The following MGAT4C variants were observed in gnomAD, a reference collection of about 807,000 sequenced individuals.
MGAT4C encodes alpha-1,3-mannosyl-glycoprotein 4-beta-N-acetylglucosaminyltransferase C.
MGAT4C carries 19 observed loss-of-function variants against 40.1 expected under a neutral mutation model. That is an observed-to-expected ratio of 0.47 (90% CI 0.33 to 0.70). MGAT4C has a LOEUF of 0.70. Among genes scored for constraint, MGAT4C ranks in the 30% least tolerant of loss-of-function variants. The probability of loss-of-function intolerance (pLI) is 0.02; values close to 1 mark genes in which losing one functional copy is unlikely to be tolerated. For synonymous variants in MGAT4C, 181 were observed against 187.1 expected (o/e 0.97, Z 0.27); for missense variants, 491 against 563.2 (o/e 0.87, Z 1.30).
intron 2 of MGAT4C, among the ~76,000 whole-genome samples, chr12:86,689,265 G>T (rs1950130868): frequency 6.6e-6 from 1 of 152,018 alleles, no homozygotes; most frequent in Non-Finnish European, 1.5e-5. Context: ...AAGGTTCTTA[G>T]CTTCCTTGCC....
Position 85,975,873 on chromosome 12 carries a change from G to A in MGAT4C, c.*3416C>T, listed in dbSNP as rs1228959310. On this transcript the variant is annotated 3_prime_UTR_variant, in exon 5 of 5. Coordinates refer to ENST00000611864, the MANE Select transcript of MGAT4C (RefSeq NM_001351288.2). ...TGATGCCATTACTGTGTTGATGGAT[G>A]TATTGTCAAGGAAAAAGAAGAGAAT... is the stretch of plus-strand genomic sequence containing the variant. 2.7e-5 allele frequency: 4 copies of A among 150,880 alleles called. No homozygotes were observed. The highest frequency in any genetic ancestry group is 6.0e-5 in the Non-Finnish European group (4 of 67,120). The allele number at this position is 150,880 out of a possible 1,614,324, so 9.3% of individuals were successfully genotyped here. A position where few individuals can be genotyped will look rare whatever the true frequency, so the allele number is the denominator to read the frequency against.
chr12:86,230,035 T>C (rs1188289567), intron 1 of MGAT4C, among the ~76,000 whole-genome samples: 1 of 152,054 alleles, frequency 6.6e-6, no homozygotes, highest in Non-Finnish European at 1.5e-5. Flanking sequence ...AATACTGCGA[T>C]TGCTCCCCAG....
At position 85,979,296 on chromosome 12, in the gene MGAT4C, G is replaced by T. The variant is rs1445634671; in HGVS notation, c.1430C>A (p.Thr477Asn). 2 of 1,588,686 alleles carry T rather than the reference G, an allele frequency of 1.3e-6. No homozygotes were observed. The highest frequency in any genetic ancestry group is 1.7e-6 in the Non-Finnish European group (2 of 1,166,124). Residue 477 changes from threonine to asparagine, a missense_variant, in exon 5 of 5, where the codon ACT becomes AAT. Coordinates refer to ENST00000611864, the MANE Select transcript of MGAT4C (RefSeq NM_001351288.2). ...ACATACTGATTTAATTGGCTAAGAA[G>T]TCCAAATGCTAATACTCCTAATAAT... ...WLIIRSISIW[T>N]S is the part of the protein sequence containing the mutation.
At chr12:86,005,184 T>G (rs1887749591) in intron 2 of MGAT4C, among the ~76,000 whole-genome samples, 1 of 152,194 alleles carries the variant, frequency 6.6e-6, no homozygotes, top group Non-Finnish European at 1.5e-5. Context: ...CTCAAAGACT[T>G]GTGCCACATT....
chr12:86,655,021 G>A (rs1367857504), intron 2 of MGAT4C, among the ~76,000 whole-genome samples: 5 of 151,880 alleles, frequency 3.3e-5, no homozygotes, highest in African/African-American at 4.8e-5. Context: ...TGACTTATAC[G>A]TGTCTTGAAT....
chr12:86,102,689 G>T (rs1875320262), intron 1 of MGAT4C, among the ~76,000 whole-genome samples: 1 of 151,962 alleles, frequency 6.6e-6, no homozygotes, highest in African/African-American at 2.4e-5. Context: ...AGGAGAAAGG[G>T]GTGAAAGATA....
intron 2 of MGAT4C, among the ~76,000 whole-genome samples, chr12:86,579,183 C>T (rs1326503041): frequency 6.6e-6 from 1 of 151,394 alleles, no homozygotes; most frequent in Non-Finnish European, 1.5e-5. Flanking sequence ...GGACTCTGGT[C>T]ATTTTGTTAT....
chr12:86,171,100 G>T (rs1035525373), intron 1 of MGAT4C, among the ~76,000 whole-genome samples: 2 of 147,844 alleles, frequency 1.4e-5, no homozygotes, highest in African/African-American at 5.0e-5. Context: ...GGCTGGGCGC[G>T]GTGGCTCATC....
intron 1 of MGAT4C, among the ~76,000 whole-genome samples, chr12:86,058,320 A>G (rs949679339): frequency 2.2e-4 from 33 of 152,126 alleles, no homozygotes; most frequent in African/African-American, 8.0e-4. Context: ...ATAAATCTCA[A>G]AAAATCTATA....
chr12:86,066,533 T>A (rs1036449106), intron 1 of MGAT4C, among the ~76,000 whole-genome samples: 4 of 152,146 alleles, frequency 2.6e-5, no homozygotes, highest in African/African-American at 9.7e-5. Context: ...ACTGGATCCC[T>A]TCCTTACACC....
chr12:86,571,171 T>C (rs1434796100), intron 2 of MGAT4C, among the ~76,000 whole-genome samples: 3 of 152,154 alleles, frequency 2.0e-5, no homozygotes, highest in Admixed American at 6.6e-5. Context: ...TACCCATTTA[T>C]CCTTGAGTTT....
At chr12:86,706,742 A>C (rs1204298179) in intron 2 of MGAT4C, among the ~76,000 whole-genome samples, 2 of 152,130 alleles carry the variant, frequency 1.3e-5, no homozygotes, top group Non-Finnish European at 2.9e-5. Flanking sequence ...CAAAAACAAC[A>C]ACCACTAGAC....
intron 1 of MGAT4C, among the ~76,000 whole-genome samples, chr12:86,201,968 A>T (rs1181103358): frequency 6.6e-6 from 1 of 151,874 alleles, no homozygotes; most frequent in East Asian, 1.9e-4. Flanking sequence ...TGTTACATAC[A>T]ATTGTTCTTT....
In MGAT4C at chr12:85,979,676, A is replaced by G. The variant is rs1884314008; in HGVS notation, c.1050T>C (p.Asn350=). The G allele has an allele frequency of 3.7e-6, 6 of 1,613,336 alleles. No individual in the cohort carries two copies. Among genetic ancestry groups the G allele is most frequent in the Non-Finnish European group, 5.1e-6 (6 of 1,179,782 alleles). The change falls in exon 5 of 5, where the codon AAT becomes AAC. Residue 350 remains asparagine, a synonymous_variant. Coordinates refer to ENST00000611864, the MANE Select transcript of MGAT4C (RefSeq NM_001351288.2). ...NPPASLYTNM[N]VFENYEASKA... is the part of the protein sequence containing the mutation. ...TGCTTGCTTCATAATTTTCAAACAC[A>G]TTCATGTTGGTGTACAGACTTGCAG...
intron 2 of MGAT4C, among the ~76,000 whole-genome samples, chr12:86,596,732 C>G (rs1416211951): frequency 6.6e-6 from 1 of 152,114 alleles, no homozygotes; most frequent in African/African-American, 2.4e-5. Flanking sequence ...GATAGATAGC[C>G]ACACCACCTG....
chr12:86,216,485 T>A (rs1033797041), intron 1 of MGAT4C, among the ~76,000 whole-genome samples: 82 of 152,344 alleles, frequency 5.4e-4, no homozygotes, highest in Non-Finnish European at 1.0e-3. Context: ...AGAAGTTTTT[T>A]AAGAAATTAG....
chr12:86,685,151 T>C (rs904296159), intron 2 of MGAT4C, among the ~76,000 whole-genome samples: 7 of 152,080 alleles, frequency 4.6e-5, no homozygotes, highest in African/African-American at 1.7e-4. Context: ...TTTTCTTCTG[T>C]GGTTTTTATG....
chr12:86,576,152 CT>C (rs1254588665), intron 2 of MGAT4C, among the ~76,000 whole-genome samples: 1 of 151,702 alleles, frequency 6.6e-6, no homozygotes, highest in African/African-American at 2.4e-5. Flanking sequence ...CTATTCAAAT[CT>C]TTTGTATGTT....
chr12:86,238,500 A>C (rs1461639518), intron 1 of MGAT4C, among the ~76,000 whole-genome samples: 2 of 152,034 alleles, frequency 1.3e-5, no homozygotes, highest in African/African-American at 2.4e-5. Flanking sequence ...CAGGGTTAGC[A>C]GTTACAAAGC....
Sources: allele counts gnomAD v4.1 joint callset (sites outside exome capture counted in the v4.1 genomes callset), GRCh38; gene constraint gnomAD v4.1.1; transcripts MANE v1.5; gene names NCBI Gene and HGNC (gene_info 2026-07-23, HGNC 2026-07-21).